The following MECOM variants were observed in gnomAD, a reference collection of about 807,000 sequenced individuals.
The protein encoded by MECOM is histone-lysine N-methyltransferase MECOM.
MECOM carries 13 observed loss-of-function variants against 116.3 expected under a neutral mutation model. That is an observed-to-expected ratio of 0.11 (90% CI 0.07 to 0.18). MECOM has a LOEUF of 0.18. MECOM is among the 10% of genes least tolerant of loss of function. MECOM has a pLI of 1.00. For missense variants in MECOM, 1,299 were observed against 1,509.0 expected, an observed-to-expected ratio of 0.86 and a Z score of 2.31; for synonymous variants, 528 against 535.2, an observed-to-expected ratio of 0.99 and a Z score of 0.19.
intron 1 of MECOM, among the ~76,000 whole-genome samples, chr3:169,617,117 T>C (rs997952691): frequency 6.6e-6 from 1 of 152,180 alleles, no homozygotes; most frequent in Non-Finnish European, 1.5e-5. Context: ...TTTTTTAAGA[T>C]ATGGGAGTGG....
intron 1 of MECOM, among the ~76,000 whole-genome samples, chr3:169,587,896 A>C (rs2109605263): frequency 6.6e-6 from 1 of 152,252 alleles, no homozygotes; most frequent in South Asian, 2.1e-4. Context: ...ATTTAAATGA[A>C]TCCCTTTATC....
At chr3:169,249,798 G>A (rs1756027356) in intron 2 of MECOM, among the ~76,000 whole-genome samples, 1 of 152,090 alleles carries the variant, frequency 6.6e-6, no homozygotes, top group South Asian at 2.1e-4. Flanking sequence ...AAATCCAAAA[G>A]GTGGCCCTCA....
At chr3:169,104,657 A>G (rs1249198135) in intron 10 of MECOM, among the ~76,000 whole-genome samples, 1 of 152,226 alleles carries the variant, frequency 6.6e-6, no homozygotes, top group Non-Finnish European at 1.5e-5. Context: ...GCAACAAAAC[A>G]TCTCATAGAA....
At chr3:169,108,014 C>G (rs1726027388) in intron 9 of MECOM, 62 bp from the exon 10 acceptor site, 1 of 1,394,924 alleles carries the variant, frequency 7.2e-7, no homozygotes, top group Non-Finnish European at 1.0e-6. Flanking sequence ...TTATTGCAAT[C>G]TATCCTTTGA....
At chr3:169,539,025 AT>A (rs1759736786) in intron 1 of MECOM, among the ~76,000 whole-genome samples, 1 of 151,354 alleles carries the variant, frequency 6.6e-6, no homozygotes, top group Non-Finnish European at 1.5e-5. Flanking sequence ...TATTTTATAG[AT>A]TCCAAAAAAA....
At chr3:169,154,768 G>A (rs1263999643) in intron 2 of MECOM, among the ~76,000 whole-genome samples, 1 of 151,968 alleles carries the variant, frequency 6.6e-6, no homozygotes, top group Non-Finnish European at 1.5e-5. Flanking sequence ...TATTATTATT[G>A]GTATTGCTAT....
chr3:169,194,693 C>G (rs537577270), intron 2 of MECOM, among the ~76,000 whole-genome samples: 1 of 151,934 alleles, frequency 6.6e-6, no homozygotes, highest in Non-Finnish European at 1.5e-5. Flanking sequence ...TGAGTGTTAC[C>G]GCTGAAATCA....
chr3:169,590,820 T>C (rs1766315805), intron 1 of MECOM, among the ~76,000 whole-genome samples: 1 of 152,218 alleles, frequency 6.6e-6, no homozygotes, highest in African/African-American at 2.4e-5. Flanking sequence ...GAAGTGATCA[T>C]GTGAAATCAG....
At chr3:169,180,724 T>G (rs1745835625) in intron 2 of MECOM, among the ~76,000 whole-genome samples, 1 of 149,674 alleles carries the variant, frequency 6.7e-6, no homozygotes, top group Non-Finnish European at 1.5e-5. Flanking sequence ...ATTGTATATC[T>G]CAAAAAGGGA....
At chr3:169,637,123 T>A (rs1772889198) in intron 1 of MECOM, among the ~76,000 whole-genome samples, 2 of 152,156 alleles carry the variant, frequency 1.3e-5, no homozygotes. Flanking sequence ...ACCCAGCCAC[T>A]GTGCTGTTAG....
At chr3:169,313,907 C>A (rs1257732715) in intron 2 of MECOM, among the ~76,000 whole-genome samples, 1 of 152,092 alleles carries the variant, frequency 6.6e-6, no homozygotes, top group Non-Finnish European at 1.5e-5. Context: ...ACAACTGAAC[C>A]GGGACAACTG....
chr3:169,597,332 C>T lies in MECOM; in HGVS notation c.37+66004G>A, dbSNP rs746070161. Among the ~76,000 whole-genome samples the T allele has an allele frequency of 1.1e-4, 16 of 152,168 alleles. 1 individual carries two copies. Among genetic ancestry groups the T allele is most frequent in the Admixed American group, 7.2e-4 (11 of 15,278 alleles). On this transcript the variant is annotated intron_variant, in intron 1 of 16. Transcript: ENST00000651503. ...ACTTCCAAGTCTTTTCCTGAAAGTG[C>T]TTAGATTTTGAGAAGAGTCCAATAT...
intron 2 of MECOM, among the ~76,000 whole-genome samples, chr3:169,302,979 C>T (rs1251040611): frequency 2.0e-5 from 3 of 152,108 alleles, no homozygotes; most frequent in African/African-American, 4.8e-5. Context: ...GAGGAGTCCT[C>T]TTTCAGATTA....
At chr3:169,427,107 C>A (rs1323427462) in intron 1 of MECOM, among the ~76,000 whole-genome samples, 5 of 151,986 alleles carry the variant, frequency 3.3e-5, no homozygotes, top group African/African-American at 1.2e-4. Flanking sequence ...CCTCTTCGAG[C>A]TTTTTATAAT....
chr3:169,648,696 C>T (rs1411304685), intron 1 of MECOM, among the ~76,000 whole-genome samples: 2 of 152,194 alleles, frequency 1.3e-5, no homozygotes, highest in African/African-American at 4.8e-5. Context: ...GAAGGCAGCG[C>T]TTTTTATTCT....
chr3:169,385,637 A>C (rs1028711681), intron 1 of MECOM, among the ~76,000 whole-genome samples: 1 of 152,214 alleles, frequency 6.6e-6, no homozygotes, highest in South Asian at 2.1e-4. Context: ...ATTTGCATAA[A>C]CCAAAATAAA....
chr3:169,118,450 C>A (rs1729889216), intron 7 of MECOM, among the ~76,000 whole-genome samples: 1 of 151,990 alleles, frequency 6.6e-6, no homozygotes, highest in African/African-American at 2.4e-5. Context: ...AAATATACAT[C>A]TAATTTAAAC....
chr3:169,278,949 T>A (rs1214818767), intron 2 of MECOM, among the ~76,000 whole-genome samples: 1 of 152,220 alleles, frequency 6.6e-6, no homozygotes, highest in South Asian at 2.1e-4. Flanking sequence ...ATATGAACTA[T>A]GTTGCACTGT....
intron 2 of MECOM, among the ~76,000 whole-genome samples, chr3:169,315,045 A>G (rs1719497323): frequency 6.6e-6 from 1 of 152,164 alleles, no homozygotes. Context: ...CAGATGGGGA[A>G]ATTGAGGCCC....
Sources: allele counts gnomAD v4.1 joint callset (sites outside exome capture counted in the v4.1 genomes callset), GRCh38; gene constraint gnomAD v4.1.1; transcripts MANE v1.5; gene names NCBI Gene and HGNC (gene_info 2026-07-23, HGNC 2026-07-21).